PROSER1: variants seen among roughly 807,000 people sequenced by gnomAD.
The protein encoded by PROSER1 is proline and serine-rich protein 1.
In PROSER1, 36 loss-of-function variants were observed where a neutral mutation model predicts 71.8. That is an observed-to-expected ratio of 0.50 (90% confidence interval 0.38 to 0.66). The LOEUF is 0.66. Among genes scored for constraint, PROSER1 ranks in the 30% least tolerant of loss-of-function variants. The pLI, the probability that PROSER1 is intolerant of heterozygous loss-of-function variation, is 0.00. For synonymous variants in PROSER1, 490 were observed against 452.4 expected (o/e 1.08, Z -1.06); for missense variants, 1,107 against 1,135.0 (o/e 0.98, Z 0.35).
At position 39,014,257 on chromosome 13, in the gene PROSER1, G is replaced by C. The variant is rs768586980; in HGVS notation, c.995C>G (p.Pro332Arg). ...AGGGGTTCTGATAACTGTTGGGTTTGGTATTGATGGCTGAGGTGTGTGAAC... is the reference window on the plus strand; with the variant it reads ...AGGGGTTCTGATAACTGTTGGGTTTCGTATTGATGGCTGAGGTGTGTGAAC... ...SAVHTPQPSI[P>R]NPTVIRTPSL... The change falls in exon 11 of 13, where the codon CCA (proline) becomes CGA (arginine). Residue 332 changes from proline to arginine, a missense_variant. Transcript: ENST00000352251. The C allele has an allele frequency of 2.5e-6, 4 of 1,614,132 alleles. No individual in the cohort carries two copies. The highest frequency in any genetic ancestry group is 3.4e-6 in the Non-Finnish European group (4 of 1,180,030).
chr13:39,013,975 G>A lies in PROSER1; in HGVS notation c.1277C>T (p.Ser426Leu), dbSNP rs934619165. ...CAAAGGGAGCCCTGCAAAAACTGAT[G>A]ACAATGAAGCAGAATTTGGGTTGCT... ...STSNPNSASLSSVFAGLPLPL... is the reference protein window; with the variant it reads ...STSNPNSASLLSVFAGLPLPL... Residue 426 changes from serine to leucine, a missense_variant, in exon 11 of 13, where the codon TCA becomes TTA. Physicochemically the swap from Ser to Leu is moderately radical, Grantham distance 145. Coordinates refer to ENST00000352251, the MANE Select transcript of PROSER1 (RefSeq NM_025138.5). 1 of 1,614,188 alleles carries A rather than the reference G, an allele frequency of 6.2e-7. No individual in the cohort carries two copies. The highest frequency in any genetic ancestry group is 2.2e-5 in the East Asian group (1 of 44,888).
intron 5 of PROSER1, chr13:39,026,596 T>A (rs1289925008): frequency 8.8e-6 from 4 of 456,734 alleles, no homozygotes; most frequent in African/African-American, 6.0e-5. Context: ...GTTAACATAA[T>A]AATGCTGCAA....
intron 1 of PROSER1, 70 bp downstream of exon 1, chr13:39,037,128 A>C: frequency 8.6e-7 from 1 of 1,164,432 alleles, no homozygotes; most frequent in South Asian, 1.2e-5. Flanking sequence ...ATCTCCATAC[A>C]GTACCTCAAA....
intron 1 of PROSER1, among the ~76,000 whole-genome samples, chr13:39,035,986 T>G (rs1871082179): frequency 6.6e-6 from 1 of 152,158 alleles, no homozygotes; most frequent in Admixed American, 6.5e-5. Flanking sequence ...ATTCCCCTCT[T>G]TAGAATTTAC....
chr13:39,035,031 A>C (rs1871033522), intron 1 of PROSER1, among the ~76,000 whole-genome samples: 1 of 152,184 alleles, frequency 6.6e-6, no homozygotes, highest in Non-Finnish European at 1.5e-5. Context: ...AGTAGCCACT[A>C]ATCATTAAAA....
chr13:39,017,750 G>C (rs987561462), intron 9 of PROSER1: 1 of 428,266 alleles, frequency 2.3e-6, no homozygotes, highest in Non-Finnish European at 4.1e-6. Context: ...TCTATCTGAA[G>C]AGCAAGAGGA....
intron 5 of PROSER1, among the ~76,000 whole-genome samples, chr13:39,027,084 A>G (rs1263913650): frequency 6.8e-6 from 1 of 147,624 alleles, no homozygotes; most frequent in African/African-American, 2.6e-5. Flanking sequence ...ATCCAGCTAT[A>G]CATATGTGTG....
rs776332300 is a variant in PROSER1 at position 39,011,351 on chromosome 13, A to G, written c.*14T>C. 3 of 1,613,134 alleles carry G rather than the reference A, an allele frequency of 1.9e-6. No homozygotes were observed. In the East Asian group the frequency reaches 6.7e-5, roughly 36 times the overall value. On this transcript the variant is annotated 3_prime_UTR_variant, in exon 13 of 13. Coordinates refer to ENST00000352251, the MANE Select transcript of PROSER1 (RefSeq NM_025138.5). ...TCTGATGTTGCTCTGAAGGAGAATA[A>G]AAGTTAAAAGTATTCACTGCCACCC...
chr13:39,022,955 C>T (rs973515660), intron 8 of PROSER1, 97 bp downstream of exon 8: 1 of 978,076 alleles, frequency 1.0e-6, no homozygotes, highest in African/African-American at 1.6e-5. Flanking sequence ...TTCATAAGTG[C>T]TACAGATTTG....
chr13:39,019,299 C>T (rs1056463089), intron 9 of PROSER1, among the ~76,000 whole-genome samples: 1 of 148,284 alleles, frequency 6.7e-6, no homozygotes, highest in Non-Finnish European at 1.5e-5. Flanking sequence ...GTCAGGAGTT[C>T]GAGACCAGCC....
In PROSER1 at chr13:39,028,310, C is replaced by T; in HGVS notation, c.286G>A (p.Asp96Asn). ...TCAATAGGACGAGAATTCTGTGCATCAATAATGTTCCTACCAAGAAAACAC... is the reference window on the plus strand; with the variant it reads ...TCAATAGGACGAGAATTCTGTGCATTAATAATGTTCCTACCAAGAAAACAC... The part of the protein sequence containing the change: ...ALELLASNII[D>N]AQNSRPIEDL... Residue 96 changes from aspartate to asparagine, a missense_variant, in exon 5 of 13, where the codon GAT (aspartate) becomes AAT (asparagine). Coordinates refer to ENST00000352251, the MANE Select transcript of PROSER1 (RefSeq NM_025138.5). The T allele has an allele frequency of 6.3e-7, 1 of 1,582,634 alleles. No homozygotes were observed. Among genetic ancestry groups the T allele is most frequent in the Non-Finnish European group, 8.7e-7 (1 of 1,152,864 alleles).
chr13:39,018,888 C>G (rs529153111), intron 9 of PROSER1, among the ~76,000 whole-genome samples: 7 of 152,178 alleles, frequency 4.6e-5, no homozygotes, highest in African/African-American at 1.7e-4. Context: ...TGACAAGATA[C>G]ACACCTAAAC....
At chr13:39,031,851 C>T (rs1014669262) in intron 2 of PROSER1, 18 of 504,466 alleles carry the variant, frequency 3.6e-5, no homozygotes, top group African/African-American at 3.2e-4. Flanking sequence ...TCCTTAGTGA[C>T]ACAAGCTACA....
intron 5 of PROSER1, among the ~76,000 whole-genome samples, chr13:39,027,205 A>G (rs567967372): frequency 1.0e-3 from 153 of 152,130 alleles, no homozygotes; most frequent in Non-Finnish European, 1.9e-3. Flanking sequence ...CCCCTCTACT[A>G]AATACCCCAA....
intron 5 of PROSER1, 84 bp from the exon 6 acceptor site, chr13:39,026,471 C>A (rs1362996842): frequency 2.4e-5 from 19 of 797,060 alleles, no homozygotes; most frequent in Non-Finnish European, 3.8e-5. Flanking sequence ...CTAAAAAAAA[C>A]ATGAATTAAA....
chr13:39,025,133 A>G (rs1284730257), intron 6 of PROSER1, among the ~76,000 whole-genome samples: 2 of 152,182 alleles, frequency 1.3e-5, no homozygotes, highest in African/African-American at 2.4e-5. Flanking sequence ...TACTCAAAGA[A>G]TAAGAGTACC....
At chr13:39,032,499 T>G (rs967272293) in intron 2 of PROSER1, among the ~76,000 whole-genome samples, 40 of 152,198 alleles carry the variant, frequency 2.6e-4, no homozygotes, top group African/African-American at 9.2e-4. Context: ...AGACAGTTCC[T>G]GAAAATACGC....
In PROSER1 at chr13:39,013,536, T is replaced by C. The variant is rs370564323; in HGVS notation, c.1716A>G (p.Pro572=). 6.8e-6 allele frequency: 11 copies of C among 1,613,944 alleles called. No homozygotes were observed. In the African/African-American group the frequency reaches 1.3e-4, roughly 20 times the overall value. Residue 572 remains proline (P), a synonymous_variant, in exon 11 of 13, where the codon CCA becomes CCG. Transcript: ENST00000352251. The stretch of plus-strand genomic sequence containing the variant: ...GGGAGGCTGAGGAGCCACAGCTAAC[T>C]GGCACTGACGTGGAAGCTGATGCAG... ...ATAASASTSV[P]VSCGSSASLL...
chr13:39,037,109 T>C (rs893965825), intron 1 of PROSER1, 89 bp downstream of exon 1: 30 of 1,010,476 alleles, frequency 3.0e-5, no homozygotes, highest in Non-Finnish European at 9.4e-6. Flanking sequence ...AGGACCCTTA[T>C]TCTGCACAAT....
Sources: allele counts gnomAD v4.1 joint callset (sites outside exome capture counted in the v4.1 genomes callset), GRCh38; gene constraint gnomAD v4.1.1; transcripts MANE v1.5; gene names NCBI Gene and HGNC (gene_info 2026-07-23, HGNC 2026-07-21).